ABCG1: variants seen among roughly 807,000 people sequenced by gnomAD.
ABCG1 encodes ATP-binding cassette sub-family G member 1.
In ABCG1, 29 loss-of-function variants were observed where a neutral mutation model predicts 69.2. The ratio of observed to expected loss-of-function variants is 0.42; its 90% CI spans 0.31 to 0.57. ABCG1 has a LOEUF of 0.57. Among genes scored for constraint, ABCG1 ranks in the 20% least tolerant of loss-of-function variants. The pLI, the probability that ABCG1 is intolerant of heterozygous loss-of-function variation, is 0.15. For missense variants in ABCG1, 718 were observed against 898.1 expected, an observed-to-expected ratio of 0.80 and a Z score of 2.56; for synonymous variants, 370 against 374.8, an observed-to-expected ratio of 0.99 and a Z score of 0.15.
At chr21:42,204,130 G>A (rs1459037227) in intron 2 of ABCG1, among the ~76,000 whole-genome samples, 1 of 152,172 alleles carries the variant, frequency 6.6e-6, no homozygotes, top group Non-Finnish European at 1.5e-5. Context: ...TATTGTTTCA[G>A]GAGTGCTTTT....
intron 2 of ABCG1, among the ~76,000 whole-genome samples, chr21:42,207,918 A>C (rs955039797): frequency 6.6e-6 from 1 of 152,232 alleles, no homozygotes; most frequent in Non-Finnish European, 1.5e-5. Flanking sequence ...CCACCCCAGC[A>C]AGGTGGACGA....
chr21:42,296,177 G>A lies in ABCG1; in HGVS notation c.1786G>A (p.Gly596Arg), dbSNP rs267606138. The A allele has an allele frequency of 6.2e-7, 1 of 1,614,052 alleles. No homozygotes were observed. The highest frequency in any genetic ancestry group is 8.5e-7 in the Non-Finnish European group (1 of 1,179,984). Residue 596 changes from glycine (G) to arginine (R), a missense_variant, in exon 15 of 15, where the codon GGG (glycine) becomes AGG (arginine). Gly to Arg is a moderately radical substitution (Grantham distance 125). Transcript: ENST00000398449. This position sits in a 1 kb window ranked among gnomAD's most constrained non-coding sequence, Gnocchi z 5.4. ...CTTTCCTCCTAGGTATGGGTTCGAA[G>A]GGGTCATCCTCTCCATCTATGGCTT... ...YISYVRYGFE[G>R]VILSIYGLDR...
chr21:42,277,956 T>TC (rs2068739696), intron 5 of ABCG1, among the ~76,000 whole-genome samples: 1 of 152,126 alleles, frequency 6.6e-6, no homozygotes, highest in Non-Finnish European at 1.5e-5. Flanking sequence ...ATGCTCCTCC[T>TC]CCCCCATCAA....
At chr21:42,260,103 T>C in intron 2 of ABCG1, 1 of 1,550,542 alleles carries the variant, frequency 6.4e-7, no homozygotes, top group South Asian at 1.2e-5. Flanking sequence ...AGGAAGGGCC[T>C]ATGGTTGGGG....
At chr21:42,217,340 T>G (rs2067651870), upstream of ABCG1, among the ~76,000 whole-genome samples, 1 of 152,168 alleles carries the variant, frequency 6.6e-6, no homozygotes, top group African/African-American at 2.4e-5. Flanking sequence ...TCACTTGCCC[T>G]GGCCACATGG....
Position 42,286,486 on chromosome 21 carries a change from A to G in ABCG1, c.973+492A>G, listed in dbSNP as rs75589651. ...CACACTATTTCCCAAATTGTGTTCC[A>G]TGAGACATTGTTCACGGACGTGCCT... On this transcript the variant is annotated intron_variant, in intron 8 of 14. Transcript: ENST00000398449. 5.1e-3 allele frequency among the ~76,000 whole-genome samples: 777 copies of G among 152,298 alleles called. 10 individuals carry two copies. The highest frequency in any genetic ancestry group is 0.018 in the African/African-American group (751 of 41,568).
chr21:42,202,195 T>A (rs937145450), intron 2 of ABCG1, among the ~76,000 whole-genome samples: 1 of 152,134 alleles, frequency 6.6e-6, no homozygotes, highest in Non-Finnish European at 1.5e-5. Flanking sequence ...AGGGTTCCAC[T>A]CCAGACCCCT....
At chr21:42,255,820 C>T (rs1010913430) in intron 2 of ABCG1, among the ~76,000 whole-genome samples, 2 of 152,190 alleles carry the variant, frequency 1.3e-5, no homozygotes, top group Non-Finnish European at 2.9e-5. Flanking sequence ...GTTCTCCTGC[C>T]GTGGCCTCTC....
chr21:42,261,600 C>T (rs1490044276), intron 2 of ABCG1, among the ~76,000 whole-genome samples: 4 of 152,298 alleles, frequency 2.6e-5, no homozygotes, highest in South Asian at 2.1e-4. Context: ...GGGGACTGCC[C>T]GCTTGTGAGG....
At position 42,266,333 on chromosome 21, in the gene ABCG1, T is replaced by G. The variant is rs141216748; in HGVS notation, c.287-4737T>G. Among the ~76,000 whole-genome samples the G allele has an allele frequency of 2.1e-3, 322 of 151,982 alleles. 1 individual carries two copies. Among genetic ancestry groups the G allele is most frequent in the African/African-American group, 7.0e-3 (290 of 41,418 alleles). On this transcript the variant is annotated intron_variant, in intron 2 of 14. Coordinates refer to ENST00000398449, the MANE Select transcript of ABCG1 (RefSeq NM_016818.3). ...ATAAATAAAATAAAATAAAATAAAATAAAAGAATTGCAATATGAAATTCAG... is the reference window on the plus strand; with the variant it reads ...ATAAATAAAATAAAATAAAATAAAAGAAAAGAATTGCAATATGAAATTCAG...
intron 6 of ABCG1, among the ~76,000 whole-genome samples, chr21:42,283,215 G>C (rs892169032): frequency 2.0e-5 from 3 of 152,232 alleles, no homozygotes; most frequent in South Asian, 2.1e-4. Flanking sequence ...CCTTCTGAGG[G>C]GGGGATGGCG....
At chr21:42,241,510 C>T (rs112423000) in intron 2 of ABCG1, among the ~76,000 whole-genome samples, 32 of 151,320 alleles carry the variant, frequency 2.1e-4, no homozygotes, top group Admixed American at 6.6e-4. Flanking sequence ...GAGGCCGAGG[C>T]ACAAGAATCA....
chr21:42,219,368 C>G lies in ABCG1; in HGVS notation c.42+64C>G, dbSNP rs1380368288. 6.4e-7 allele frequency: 1 copy of G among 1,557,860 alleles called. No individual in the cohort carries two copies. The highest frequency in any genetic ancestry group is 8.6e-7 in the Non-Finnish European group (1 of 1,157,240). ...ATTTTCAAGGAGAGCAGGAAACACA[C>G]AAAGACTCGCAAGCTCGACCTGACA... On this transcript the variant is annotated intron_variant, in intron 1 of 14. Transcript: ENST00000398449. The surrounding 1 kb of genome is among the most constrained non-coding windows in gnomAD (Gnocchi z 5.3).
In ABCG1 at chr21:42,291,009, A is replaced by G; in HGVS notation, c.1394-83A>G. On this transcript the variant is annotated intron_variant, in intron 11 of 14. Coordinates refer to ENST00000398449, the MANE Select transcript of ABCG1 (RefSeq NM_016818.3). This position sits in a 1 kb window ranked among gnomAD's most constrained non-coding sequence, Gnocchi z 6.4. ...GCCAGAGCTGGGTTACCAGCCGCTCAGCTCAAGATCGCCTGTTGGGATGTT... is the reference window on the plus strand; with the variant it reads ...GCCAGAGCTGGGTTACCAGCCGCTCGGCTCAAGATCGCCTGTTGGGATGTT... 1 of 1,009,024 alleles carries G rather than the reference A, an allele frequency of 9.9e-7. No homozygotes were observed. Among genetic ancestry groups the G allele is most frequent in the South Asian group, 1.3e-5 (1 of 74,270 alleles). The allele number at this position is 1,009,024 out of a possible 1,614,324, so 62.5% of individuals were successfully genotyped here. A position where few individuals can be genotyped will look rare whatever the true frequency, so the allele number is the denominator to read the frequency against.
At chr21:42,215,958 G>T (rs2067635099), upstream of ABCG1, 1 of 253,630 alleles carries the variant, frequency 3.9e-6, no homozygotes, top group African/African-American at 2.3e-5. Context: ...ATCTTGAATT[G>T]TAGCTCCCAT....
intron 2 of ABCG1, among the ~76,000 whole-genome samples, chr21:42,210,062 C>G (rs4148089): frequency 6.6e-6 from 1 of 151,828 alleles, no homozygotes; most frequent in East Asian, 1.9e-4. Flanking sequence ...CCTTCGTCTC[C>G]GGCTCTACTT....
rs1183258307 is a variant in ABCG1 at position 42,219,370 on chromosome 21, A to C, written c.42+66A>C. ...TTTCAAGGAGAGCAGGAAACACACA[A>C]AGACTCGCAAGCTCGACCTGACACC... On this transcript the variant is annotated intron_variant, in intron 1 of 14. Coordinates refer to ENST00000398449, the MANE Select transcript of ABCG1 (RefSeq NM_016818.3). The surrounding 1 kb of genome is among the most constrained non-coding windows in gnomAD (Gnocchi z 5.3). 6.4e-7 allele frequency: 1 copy of C among 1,556,358 alleles called. No homozygotes were observed. The highest frequency in any genetic ancestry group is 8.6e-7 in the Non-Finnish European group (1 of 1,156,438).
At chr21:42,280,332 T>C (rs188571980) in intron 5 of ABCG1, among the ~76,000 whole-genome samples, 41 of 152,344 alleles carry the variant, frequency 2.7e-4, no homozygotes, top group African/African-American at 9.6e-4. Flanking sequence ...ATGGAATTTT[T>C]GCTGTGTTGT....
intron 2 of ABCG1, among the ~76,000 whole-genome samples, chr21:42,237,522 A>G (rs2067994769): frequency 3.3e-5 from 5 of 152,188 alleles, no homozygotes; most frequent in Admixed American, 2.6e-4. Context: ...GGCACTCAGC[A>G]TGGGATTTTG....
Sources: allele counts gnomAD v4.1 joint callset (sites outside exome capture counted in the v4.1 genomes callset), GRCh38; gene constraint gnomAD v4.1.1; non-coding constraint Gnocchi (gnomAD v3.1); transcripts MANE v1.5; gene names NCBI Gene and HGNC (gene_info 2026-07-23, HGNC 2026-07-21).